The following GPC5 variants were observed in gnomAD, a reference collection of about 807,000 sequenced individuals.
GPC5 encodes the protein glypican 5, also known as glypican-5.
In GPC5, 47 loss-of-function variants were observed where a neutral mutation model predicts 53.9. The observed-to-expected ratio is 0.87, with a 90% CI of 0.69 to 1.11. The LOEUF (loss-of-function observed/expected upper bound fraction) is 1.11, where lower values mean the gene tolerates loss of function less well. Among genes scored for constraint, GPC5 ranks in the 50% most tolerant of loss-of-function variants. The probability of loss-of-function intolerance (pLI) is 0.00; values close to 1 mark genes in which losing one functional copy is unlikely to be tolerated. For missense variants in GPC5, 748 were observed against 713.1 expected, an observed-to-expected ratio of 1.05 and a Z score of -0.56; for synonymous variants, 286 against 263.3, an observed-to-expected ratio of 1.09 and a Z score of -0.84.
At chr13:92,096,697 GCTCT>G (rs2041424907) in intron 6 of GPC5, among the ~76,000 whole-genome samples, 1 of 152,170 alleles carries the variant, frequency 6.6e-6, no homozygotes, top group African/African-American at 2.4e-5. Flanking sequence ...CACTCTTCCT[GCTCT>G]CTAAGGACAC....
At chr13:92,280,199 G>A (rs954938520) in intron 7 of GPC5, among the ~76,000 whole-genome samples, 1 of 151,952 alleles carries the variant, frequency 6.6e-6, no homozygotes, top group Non-Finnish European at 1.5e-5. Context: ...TGCAATTCTT[G>A]TAATTGCTAT....
Position 92,061,645 on chromosome 13 carries a change from G to T in GPC5, c.1402-83185G>T, listed in dbSNP as rs146237459. Among the ~76,000 whole-genome samples, 3 of 152,016 alleles carry T rather than the reference G, an allele frequency of 2.0e-5. No individual in the cohort carries two copies. In the East Asian group the frequency reaches 5.8e-4, roughly 29 times the overall value. Reference sequence around the variant, plus strand: ...AAATAGAAACATAATTTACTCATGGGCATGCAGTATATTCTGCTGTAAATG... The same window carrying T: ...AAATAGAAACATAATTTACTCATGGTCATGCAGTATATTCTGCTGTAAATG... On this transcript the variant is annotated intron_variant, in intron 6 of 7. Transcript: ENST00000377067.
At chr13:92,571,644 T>C (rs1268272569) in intron 7 of GPC5, among the ~76,000 whole-genome samples, 2 of 152,030 alleles carry the variant, frequency 1.3e-5, no homozygotes, top group Admixed American at 6.6e-5. Flanking sequence ...TCCTTTTAAT[T>C]ATATATATTT....
chr13:92,208,813 G>A (rs2042355451), intron 7 of GPC5, among the ~76,000 whole-genome samples: 1 of 152,184 alleles, frequency 6.6e-6, no homozygotes, highest in East Asian at 1.9e-4. Context: ...GCATATATAA[G>A]ACTAAAAACA....
chr13:92,053,541 T>C (rs1249200057), intron 6 of GPC5, among the ~76,000 whole-genome samples: 1 of 152,176 alleles, frequency 6.6e-6, no homozygotes, highest in Non-Finnish European at 1.5e-5. Context: ...TTTTAGATTT[T>C]GGTTTGGGTC....
chr13:92,168,365 G>A (rs951810998), intron 7 of GPC5, among the ~76,000 whole-genome samples: 44 of 152,130 alleles, frequency 2.9e-4, no homozygotes, highest in African/African-American at 9.4e-4. Flanking sequence ...TAGAGCTTCC[G>A]CACAGCAAAA....
Position 92,563,992 on chromosome 13 carries a change from T to A in GPC5, c.1562-302290T>A, listed in dbSNP as rs4144427. ...ATTTCCAACTACTATGCACTTAATT[T>A]TTTTTTAGAAAAAGAGGAATTATGA... On this transcript the variant is annotated intron_variant, in intron 7 of 7. Transcript: ENST00000377067. Among the ~76,000 whole-genome samples the A allele has an allele frequency of 2.4e-4, 4 of 17,020 alleles. No homozygotes were observed. The South Asian group carries it at 2.8e-3, about 12-fold the overall frequency. 11.2% of individuals were successfully genotyped at this position (17,020 alleles called of 152,430 possible). A position where few individuals can be genotyped will look rare whatever the true frequency, so the allele number is the denominator to read the frequency against.
intron 5 of GPC5, among the ~76,000 whole-genome samples, chr13:91,892,430 TTC>T (rs2039396526): frequency 6.6e-6 from 1 of 151,712 alleles, no homozygotes; most frequent in African/African-American, 2.4e-5. Context: ...AGAAAAAATA[TTC>T]TTTTTCTCAA....
chr13:92,543,206 A>C (rs1167323125), intron 7 of GPC5, among the ~76,000 whole-genome samples: 1 of 151,958 alleles, frequency 6.6e-6, no homozygotes, highest in African/African-American at 2.4e-5. Context: ...TGTCATATCA[A>C]AATACCTGTC....
At chr13:91,413,429 G>A (rs892658933) in intron 1 of GPC5, among the ~76,000 whole-genome samples, 44 of 152,100 alleles carry the variant, frequency 2.9e-4, no homozygotes, top group South Asian at 8.3e-4. Flanking sequence ...GCCATTAGTC[G>A]TAGATAGCAT....
rs540364706 is a variant in GPC5 at position 91,972,665 on chromosome 13, G to A, written c.1401+64608G>A. 6.0e-3 allele frequency among the ~76,000 whole-genome samples: 910 copies of A among 152,222 alleles called. 13 individuals are homozygous for A. Among genetic ancestry groups the A allele is most frequent in the African/African-American group, 0.021 (877 of 41,520 alleles). ...GAGCTCTTTTAGGGCAGGCCTGGTG[G>A]TGACAAAATCTCTCAGCATTTGCTT... On this transcript the variant is annotated intron_variant, in intron 6 of 7. Coordinates refer to ENST00000377067, the MANE Select transcript of GPC5 (RefSeq NM_004466.6).
At chr13:92,767,595 T>A (rs1023528511) in intron 7 of GPC5, among the ~76,000 whole-genome samples, 3 of 152,224 alleles carry the variant, frequency 2.0e-5, no homozygotes, top group African/African-American at 7.2e-5. Flanking sequence ...CACATCTCAA[T>A]CCTTGTATTT....
At chr13:91,516,315 A>G (rs541508370) in intron 2 of GPC5, among the ~76,000 whole-genome samples, 2 of 152,308 alleles carry the variant, frequency 1.3e-5, no homozygotes, top group South Asian at 2.1e-4. Flanking sequence ...GGGTACAGGT[A>G]TTAGGTAAAT....
At chr13:92,107,101 A>G (rs748229304) in intron 6 of GPC5, among the ~76,000 whole-genome samples, 4 of 152,060 alleles carry the variant, frequency 2.6e-5, no homozygotes, top group Non-Finnish European at 5.9e-5. Context: ...TCTCACTTTT[A>G]TAAGTTTTTT....
chr13:92,141,113 CT>C (rs1177217926), intron 6 of GPC5, among the ~76,000 whole-genome samples: 1 of 152,146 alleles, frequency 6.6e-6, no homozygotes, highest in African/African-American at 2.4e-5. Flanking sequence ...GAATAAAGAT[CT>C]TATTGTGAAA....
chr13:91,849,858 A>C (rs1354296922), intron 5 of GPC5, among the ~76,000 whole-genome samples: 1 of 151,854 alleles, frequency 6.6e-6, no homozygotes, highest in Admixed American at 6.6e-5. Flanking sequence ...TCATGTGACC[A>C]TGGAATATTA....
intron 7 of GPC5, among the ~76,000 whole-genome samples, chr13:92,527,225 G>GA (rs1206347766): frequency 2.7e-5 from 1 of 37,640 alleles, no homozygotes; most frequent in East Asian, 1.6e-3. Flanking sequence ...AAGAAAGAAA[G>GA]AAAGAAAGAA....
At chr13:91,608,736 G>T (rs1407845766) in intron 2 of GPC5, among the ~76,000 whole-genome samples, 1 of 151,834 alleles carries the variant, frequency 6.6e-6, no homozygotes, top group African/African-American at 2.4e-5. Flanking sequence ...TAGATATGAG[G>T]TAAAAGAGAA....
chr13:92,503,119 G>A (rs1880249318), intron 7 of GPC5, among the ~76,000 whole-genome samples: 1 of 151,916 alleles, frequency 6.6e-6, no homozygotes, highest in South Asian at 2.1e-4. Context: ...AGAAAACAAG[G>A]AACAACATTA....
Sources: gnomAD v4.1 joint callset for allele counts (sites outside exome capture counted in the v4.1 genomes callset) on GRCh38, gnomAD v4.1.1 for gene constraint, MANE v1.5 for transcripts, NCBI Gene and HGNC (gene_info 2026-07-23, HGNC 2026-07-21) for gene names.